UBE3D: variants seen among roughly 807,000 people sequenced by gnomAD.
UBE3D encodes E3 ubiquitin-protein ligase E3D.
Under a neutral mutation model 49.6 loss-of-function variants are expected in UBE3D, and 48 were observed. The ratio of observed to expected loss-of-function variants is 0.97; its 90% CI spans 0.77 to 1.23. The LOEUF (loss-of-function observed/expected upper bound fraction) is 1.23, where lower values mean the gene tolerates loss of function less well. UBE3D is among the 50% of genes most tolerant of loss of function. The probability of loss-of-function intolerance (pLI) is 0.00; values close to 1 mark genes in which losing one functional copy is unlikely to be tolerated. For synonymous variants in UBE3D, 189 were observed against 174.2 expected (o/e 1.08, Z -0.67); for missense variants, 452 against 468.4 (o/e 0.96, Z 0.32).
intron 8 of UBE3D, among the ~76,000 whole-genome samples, chr6:82,970,503 A>G (rs977664103): frequency 1.3e-5 from 2 of 152,190 alleles, no homozygotes; most frequent in Non-Finnish European, 2.9e-5. Flanking sequence ...TGATTTTTAA[A>G]CCATTTTGAA....
At chr6:83,023,821 AT>A (rs1423092438) in intron 6 of UBE3D, 147 bp downstream of exon 6, 2 of 542,200 alleles carry the variant, frequency 3.7e-6, no homozygotes, top group African/African-American at 4.0e-5. Context: ...AATCTCAGAA[AT>A]TATCACTATT....
At chr6:83,047,174 A>C (rs1783116211) in intron 3 of UBE3D, among the ~76,000 whole-genome samples, 1 of 152,188 alleles carries the variant, frequency 6.6e-6, no homozygotes, top group Admixed American at 6.5e-5. Context: ...GCTGCTTGAG[A>C]ATCTGATCTT....
At chr6:82,970,233 C>G (rs1056058560) in intron 8 of UBE3D, among the ~76,000 whole-genome samples, 1 of 151,096 alleles carries the variant, frequency 6.6e-6, no homozygotes, top group African/African-American at 2.4e-5. Context: ...AAAAACCTAT[C>G]ATATCATTTT....
At chr6:82,976,564 C>T (rs1777731630) in intron 8 of UBE3D, among the ~76,000 whole-genome samples, 1 of 152,086 alleles carries the variant, frequency 6.6e-6, no homozygotes, top group South Asian at 2.1e-4. Flanking sequence ...CTACCTCTGA[C>T]CTTCAGCCAA....
At chr6:83,014,781 G>A (rs1780576017) in intron 8 of UBE3D, among the ~76,000 whole-genome samples, 1 of 152,170 alleles carries the variant, frequency 6.6e-6, no homozygotes. Context: ...TCCTCAAGGG[G>A]ACCCGGACTC....
intron 9 of UBE3D, among the ~76,000 whole-genome samples, chr6:82,900,058 TCTC>T (rs1037295113): frequency 1.6e-4 from 24 of 152,264 alleles, no homozygotes; most frequent in African/African-American, 5.8e-4. Flanking sequence ...CCCTTTAATT[TCTC>T]CTTCCTATGG....
intron 9 of UBE3D, 29 bp downstream of exon 9, chr6:82,957,283 C>T (rs1180923628): frequency 6.2e-7 from 1 of 1,603,998 alleles, no homozygotes; most frequent in Non-Finnish European, 8.5e-7. Flanking sequence ...ACTGAGAAAT[C>T]ACGGCCTAGA....
intron 8 of UBE3D, among the ~76,000 whole-genome samples, chr6:83,004,277 A>G (rs1213773539): frequency 6.6e-6 from 1 of 152,218 alleles, no homozygotes; most frequent in Non-Finnish European, 1.5e-5. Flanking sequence ...GAGGAAAAAT[A>G]TACATTCACA....
chr6:83,037,936 C>T (rs962023951), intron 5 of UBE3D: 3 of 152,188 alleles, frequency 2.0e-5, no homozygotes, highest in African/African-American at 4.8e-5. Flanking sequence ...AATACAGCCC[C>T]GAGCCAGATG....
chr6:82,921,627 G>C (rs1007225571), intron 9 of UBE3D, among the ~76,000 whole-genome samples: 2 of 152,142 alleles, frequency 1.3e-5, no homozygotes, highest in Admixed American at 1.3e-4. Flanking sequence ...TGGCATGGAG[G>C]GTGAGGAGAA....
At chr6:82,927,016 G>C (rs1773802570) in intron 9 of UBE3D, among the ~76,000 whole-genome samples, 1 of 152,032 alleles carries the variant, frequency 6.6e-6, no homozygotes, top group Admixed American at 6.6e-5. Flanking sequence ...ATTCTGAACT[G>C]ACTTTTGTAA....
chr6:83,015,311 C>T (rs1201918571), intron 8 of UBE3D, among the ~76,000 whole-genome samples: 1 of 152,168 alleles, frequency 6.6e-6, no homozygotes, highest in African/African-American at 2.4e-5. Context: ...ATCCCAGTCT[C>T]CCTAAGCCTT....
intron 8 of UBE3D, among the ~76,000 whole-genome samples, chr6:83,014,639 G>A (rs141387538): frequency 1.5e-3 from 222 of 152,330 alleles, no homozygotes; most frequent in African/African-American, 5.1e-3. Context: ...CCAGTGTCCA[G>A]TAGTCTCTGA....
At chr6:82,956,225 A>G (rs1442105099) in intron 9 of UBE3D, among the ~76,000 whole-genome samples, 1 of 152,204 alleles carries the variant, frequency 6.6e-6, no homozygotes, top group Non-Finnish European at 1.5e-5. Flanking sequence ...ACCCATGTTT[A>G]TTTATTTCTC....
At chr6:83,007,583 T>C (rs542134191) in intron 8 of UBE3D, among the ~76,000 whole-genome samples, 77 of 152,330 alleles carry the variant, frequency 5.1e-4, no homozygotes, top group African/African-American at 1.8e-3. Flanking sequence ...AAGTATGACA[T>C]AAACATTTAT....
intron 9 of UBE3D, among the ~76,000 whole-genome samples, chr6:82,905,820 GT>G (rs982996601): frequency 4.0e-5 from 6 of 151,608 alleles, no homozygotes; most frequent in East Asian, 1.9e-4. Context: ...TACTTAACTG[GT>G]TTTTTTTAGC....
At chr6:82,888,074 T>C (rs1353099772), downstream of UBE3D, among the ~76,000 whole-genome samples, 1 of 147,216 alleles carries the variant, frequency 6.8e-6, no homozygotes, top group Non-Finnish European at 1.5e-5. Flanking sequence ...GATTCCACCT[T>C]TTTTTTTGTG....
At chr6:82,957,109 A>T (rs1351490723) in intron 9 of UBE3D, among the ~76,000 whole-genome samples, 3 of 152,224 alleles carry the variant, frequency 2.0e-5, no homozygotes, top group Non-Finnish European at 4.4e-5. Flanking sequence ...AGCCTGGGCA[A>T]CAGAGAGAGT....
chr6:82,897,318 C>T (rs772959622), intron 9 of UBE3D, among the ~76,000 whole-genome samples: 30 of 152,142 alleles, frequency 2.0e-4, no homozygotes, highest in Non-Finnish European at 3.7e-4. Flanking sequence ...TGGCCAGGCG[C>T]GGTGGCTCAC....
Sources: gnomAD v4.1 joint callset for allele counts (sites outside exome capture counted in the v4.1 genomes callset) on GRCh38, gnomAD v4.1.1 for gene constraint, MANE v1.5 for transcripts, NCBI Gene and HGNC (gene_info 2026-07-23, HGNC 2026-07-21) for gene names.